The following POLR3B variants were observed in gnomAD, a reference collection of about 807,000 sequenced individuals.
POLR3B encodes the protein DNA-directed RNA polymerase III subunit RPC2.
A neutral mutation model predicts 147.4 loss-of-function variants in POLR3B; 96 were observed. The observed-to-expected ratio is 0.65, with a 90% CI of 0.55 to 0.77. The LOEUF is 0.77. POLR3B is among the 30% of genes least tolerant of loss of function. The pLI, the probability that POLR3B is intolerant of heterozygous loss-of-function variation, is 0.00. For missense variants in POLR3B, 1,036 were observed against 1,413.5 expected (o/e 0.73, Z 4.28); for synonymous variants, 461 against 485.9 (o/e 0.95, Z 0.67).
intron 10 of POLR3B, among the ~76,000 whole-genome samples, chr12:106,396,576 T>C (rs2036983098): frequency 6.6e-6 from 1 of 152,138 alleles, no homozygotes; most frequent in Non-Finnish European, 1.5e-5. Context: ...TAATGTGATA[T>C]GAACAAGAAT....
intron 20 of POLR3B, 77 bp from the exon 21 acceptor site, chr12:106,457,061 T>C (rs1210461350): frequency 1.6e-6 from 2 of 1,256,638 alleles, no homozygotes; most frequent in Non-Finnish European, 2.3e-6. Context: ...GAGTGGATTG[T>C]TGAGTAGCAC....
intron 8 of POLR3B, among the ~76,000 whole-genome samples, chr12:106,379,294 G>A (rs1158419999): frequency 6.6e-6 from 1 of 152,192 alleles, no homozygotes; most frequent in African/African-American, 2.4e-5. Flanking sequence ...TTGGAGCCAA[G>A]GCAATTTGAA....
intron 18 of POLR3B, among the ~76,000 whole-genome samples, chr12:106,440,806 C>T (rs2037640499): frequency 1.3e-5 from 2 of 150,114 alleles, no homozygotes; most frequent in South Asian, 4.2e-4. Context: ...TATTGTCTAT[C>T]TTCCCTCACT....
chr12:106,432,253 A>G (rs988596784), intron 14 of POLR3B, 65 bp from the exon 15 acceptor site: 12 of 1,452,316 alleles, frequency 8.3e-6, no homozygotes, highest in Admixed American at 3.3e-5. Flanking sequence ...AGCTATTTTC[A>G]GATGTAAACT....
intron 2 of POLR3B, 75 bp downstream of exon 2, chr12:106,363,977 A>G (rs567745261): frequency 1.7e-6 from 2 of 1,145,414 alleles, no homozygotes; most frequent in South Asian, 1.3e-5. Context: ...TTTTTTAAAG[A>G]TTAAATTTTT....
rs2038752242 is a variant in POLR3B at position 106,510,160 on chromosome 12, T to C, written c.*611T>C. 1 of 162,068 alleles carries C rather than the reference T, an allele frequency of 6.2e-6. No homozygotes were observed. The highest frequency in any genetic ancestry group is 1.7e-4 in the South Asian group (1 of 5,742). The allele number at this position is 162,068 out of a possible 1,614,324, so 10.0% of individuals were successfully genotyped here. A position where few individuals can be genotyped will look rare whatever the true frequency, so the allele number is the denominator to read the frequency against. On this transcript the variant is annotated 3_prime_UTR_variant, in exon 28 of 28. Coordinates refer to ENST00000228347, the MANE Select transcript of POLR3B (RefSeq NM_018082.6). ...TGCTATTATTTTAAACCTGCATGAT[T>C]GTACCATGCAATACTATTCGTTAAA...
intron 12 of POLR3B, among the ~76,000 whole-genome samples, chr12:106,424,041 G>A (rs1274764894): frequency 1.3e-5 from 2 of 152,046 alleles, no homozygotes; most frequent in African/African-American, 4.8e-5. Flanking sequence ...ATTTTTAGTA[G>A]AGATGGGGTT....
chr12:106,480,947 C>T (rs536520722), intron 23 of POLR3B, among the ~76,000 whole-genome samples: 2 of 152,178 alleles, frequency 1.3e-5, no homozygotes, highest in South Asian at 4.2e-4. Context: ...AAAGTTTAGG[C>T]AGAGTGGTTG....
At chr12:106,410,108 G>A (rs147984706) in intron 11 of POLR3B, 4,203 of 152,340 alleles carry the variant, frequency 0.028, 99 homozygotes, top group African/African-American at 0.059. Flanking sequence ...TGTTATCACT[G>A]CATGACAAAC....
At chr12:106,494,169 A>T (rs533947404) in intron 23 of POLR3B, among the ~76,000 whole-genome samples, 1 of 152,190 alleles carries the variant, frequency 6.6e-6, no homozygotes, top group South Asian at 2.1e-4. Context: ...TTTTAATAAC[A>T]TAATAAAGTT....
chr12:106,476,948 G>A (rs1253203126), intron 23 of POLR3B, among the ~76,000 whole-genome samples: 45 of 151,664 alleles, frequency 3.0e-4, no homozygotes, highest in Admixed American at 2.5e-3. Flanking sequence ...GGCACTCTGC[G>A]TTGTAGAGTT....
At chr12:106,428,466 A>G (rs2037464950) in intron 13 of POLR3B, among the ~76,000 whole-genome samples, 1 of 152,140 alleles carries the variant, frequency 6.6e-6, no homozygotes, top group South Asian at 2.1e-4. Context: ...CTTTTACCAA[A>G]TACATTTTTC....
At chr12:106,385,296 C>T (rs1254042095) in intron 9 of POLR3B, among the ~76,000 whole-genome samples, 1 of 152,032 alleles carries the variant, frequency 6.6e-6, no homozygotes, top group Non-Finnish European at 1.5e-5. Flanking sequence ...AACATAACTA[C>T]CTTGGATAAT....
chr12:106,372,056 A>T (rs2465355), intron 6 of POLR3B, among the ~76,000 whole-genome samples: 118,867 of 152,182 alleles, frequency 0.78, 46,497 homozygotes, highest in South Asian at 0.86. Context: ...TTCATAAAAA[A>T]GACCTCTAGT....
intron 22 of POLR3B, among the ~76,000 whole-genome samples, chr12:106,462,624 G>A (rs377480818): frequency 2.6e-4 from 40 of 152,316 alleles, no homozygotes; most frequent in African/African-American, 9.4e-4. Flanking sequence ...AAGTGTGAAC[G>A]ACAGTGGTGC....
chr12:106,425,473 G>C (rs989162624), intron 12 of POLR3B, among the ~76,000 whole-genome samples: 1 of 152,202 alleles, frequency 6.6e-6, no homozygotes, highest in East Asian at 1.9e-4. Context: ...GTCCCTCTCT[G>C]AGAAGAGGTT....
chr12:106,478,790 T>C (rs2038219301), intron 23 of POLR3B, among the ~76,000 whole-genome samples: 1 of 151,918 alleles, frequency 6.6e-6, no homozygotes, highest in Admixed American at 6.6e-5. Context: ...CAAGAAAGGG[T>C]TCTTTGTACA....
chr12:106,383,423 C>A (rs2036792057), intron 9 of POLR3B, among the ~76,000 whole-genome samples: 2 of 152,088 alleles, frequency 1.3e-5, no homozygotes, highest in Admixed American at 6.6e-5. Flanking sequence ...TAAGCTTAAT[C>A]ATTTCTAGCT....
intron 27 of POLR3B, among the ~76,000 whole-genome samples, chr12:106,508,630 A>T (rs1419008103): frequency 6.6e-6 from 1 of 152,224 alleles, no homozygotes; most frequent in Non-Finnish European, 1.5e-5. Flanking sequence ...ATTGATTAAG[A>T]ACTAAGTTCA....
Sources: allele counts gnomAD v4.1 joint callset (sites outside exome capture counted in the v4.1 genomes callset), GRCh38; gene constraint gnomAD v4.1.1; transcripts MANE v1.5; gene names NCBI Gene and HGNC (gene_info 2026-07-23, HGNC 2026-07-21).